Variants in MAP3K13 observed in about 807,000 individuals in gnomAD.
MAP3K13 encodes mitogen-activated protein kinase kinase kinase 13, also known as leucine zipper-bearing kinase.
MAP3K13 carries 52 observed loss-of-function variants against 104.0 expected under a neutral mutation model. The observed-to-expected ratio is 0.50, with a 90% CI of 0.40 to 0.63. The LOEUF (loss-of-function observed/expected upper bound fraction) is 0.63, where lower values mean the gene tolerates loss of function less well. Among genes scored for constraint, MAP3K13 ranks in the 20% least tolerant of loss-of-function variants. The pLI is 0.00. For synonymous variants in MAP3K13, 394 were observed against 442.2 expected, an observed-to-expected ratio of 0.89 and a Z score of 1.37; for missense variants, 914 against 1,218.5, an observed-to-expected ratio of 0.75 and a Z score of 3.72.
intron 1 of MAP3K13, among the ~76,000 whole-genome samples, chr3:185,383,086 C>T (rs1371955750): frequency 2.1e-5 from 3 of 140,330 alleles, no homozygotes; most frequent in Non-Finnish European, 4.6e-5. Context: ...TGTTCAATTC[C>T]CACCTATGAG....
In MAP3K13 at chr3:185,365,385, C is replaced by A. The variant is rs149681018; in HGVS notation, c.-86+2017C>A. ...ATTTAGTAAACAAAGTCAGTCAAACCAGAGCCATGTCCTGGGGAACTGTCA... is the reference window on the plus strand; with the variant it reads ...ATTTAGTAAACAAAGTCAGTCAAACAAGAGCCATGTCCTGGGGAACTGTCA... On this transcript the variant is annotated intron_variant, in intron 1 of 13. Transcript: ENST00000265026. Among the ~76,000 whole-genome samples the A allele has an allele frequency of 3.2e-3, 490 of 152,256 alleles. 3 individuals are homozygous for A. The highest frequency in any genetic ancestry group is 0.011 in the African/African-American group (471 of 41,552).
intron 2 of MAP3K13, among the ~76,000 whole-genome samples, chr3:185,347,370 A>G (rs1369412196): frequency 6.6e-6 from 1 of 152,190 alleles, no homozygotes; most frequent in African/African-American, 2.4e-5. Context: ...AAGCCATTTA[A>G]TACTGTTCTG....
intron 2 of MAP3K13, among the ~76,000 whole-genome samples, chr3:185,335,456 T>G (rs1410580969): frequency 2.0e-5 from 3 of 152,160 alleles, no homozygotes; most frequent in African/African-American, 7.2e-5. Context: ...GCAGTTACTC[T>G]AGGCTAATGT....
At chr3:185,451,428 A>G in intron 7 of MAP3K13, 33 bp downstream of exon 7, 1 of 1,405,960 alleles carries the variant, frequency 7.1e-7, no homozygotes, top group East Asian at 2.3e-5. Context: ...AGGTGCTACT[A>G]AACAGATAGA....
In MAP3K13 at chr3:185,375,621, G is replaced by A. The variant is rs565113783; in HGVS notation, c.-86+12253G>A. Among the ~76,000 whole-genome samples the A allele has an allele frequency of 1.6e-4, 24 of 152,272 alleles. No homozygotes were observed. The South Asian group carries it at 3.9e-3, about 25-fold the overall frequency. ...GCGAGGGAGTAGGTGGGAGTGGCCC[G>A]ATGAGAAGGAGAAAAACTGCCGTGA... On this transcript the variant is annotated intron_variant, in intron 1 of 13. Transcript: ENST00000265026.
At chr3:185,455,856 G>C (rs138713135) in intron 7 of MAP3K13, among the ~76,000 whole-genome samples, 1 of 117,546 alleles carries the variant, frequency 8.5e-6, no homozygotes, top group African/African-American at 3.5e-5. Flanking sequence ...ATATATATGA[G>C]ATATATATGA....
Position 185,429,074 on chromosome 3 carries a change from C to A in MAP3K13, c.475+18C>A. 1 of 1,603,156 alleles carries A rather than the reference C, an allele frequency of 6.2e-7. No individual in the cohort carries two copies. The highest frequency in any genetic ancestry group is 8.5e-7 in the Non-Finnish European group (1 of 1,172,698). On this transcript the variant is annotated intron_variant, in intron 2 of 13. Transcript: ENST00000265026. ...GCAGCAAGGTAAGCTAGAATATGGACTTGGAAGATATTTCTTGTGTAAACA... is the reference window on the plus strand; with the variant it reads ...GCAGCAAGGTAAGCTAGAATATGGAATTGGAAGATATTTCTTGTGTAAACA...
Position 185,418,380 on chromosome 3 carries a change from T to G in MAP3K13, c.-85-10117T>G. 6.2e-7 allele frequency: 1 copy of G among 1,603,638 alleles called. No individual in the cohort carries two copies. Among genetic ancestry groups the G allele is most frequent in the Non-Finnish European group, 8.5e-7 (1 of 1,172,246 alleles). The stretch of plus-strand genomic sequence containing the variant: ...GACCTTTAGACATGACCAGTGCTGG[T>G]AGGGCTGAGGCAGCCAGGGCAGAAC... On this transcript the variant is annotated intron_variant, in intron 1 of 13. Coordinates refer to ENST00000265026, the MANE Select transcript of MAP3K13 (RefSeq NM_004721.5). The surrounding 1 kb of genome is among the most constrained non-coding windows in gnomAD (Gnocchi z 4.5).
intron 1 of MAP3K13, among the ~76,000 whole-genome samples, chr3:185,396,716 C>T (rs77552678): frequency 3.0e-3 from 460 of 152,304 alleles, no homozygotes; most frequent in African/African-American, 0.011. Flanking sequence ...CTGTAGGGAG[C>T]ATCTAGTTGT....
chr3:185,307,113 T>C (rs892094012), intron 2 of MAP3K13, among the ~76,000 whole-genome samples: 3 of 152,192 alleles, frequency 2.0e-5, no homozygotes, highest in Non-Finnish European at 4.4e-5. Context: ...CTTTCAAGAT[T>C]CTTTGTGTCT....
chr3:185,296,503 C>T (rs1053765323), intron 2 of MAP3K13, among the ~76,000 whole-genome samples: 7 of 152,190 alleles, frequency 4.6e-5, no homozygotes, highest in African/African-American at 1.7e-4. Context: ...TTTAATCTCT[C>T]ATCTTCTTTA....
intron 7 of MAP3K13, among the ~76,000 whole-genome samples, chr3:185,463,082 C>A (rs541668891): frequency 1.3e-4 from 20 of 152,252 alleles, no homozygotes; most frequent in Non-Finnish European, 2.5e-4. Context: ...GTCTTCTACT[C>A]TAGGTATTTT....
intron 1 of MAP3K13, among the ~76,000 whole-genome samples, chr3:185,411,781 C>CTTTTT (rs67723912): frequency 3.2e-5 from 3 of 94,058 alleles, no homozygotes; most frequent in Non-Finnish European, 6.5e-5. Context: ...GCAGTTATGT[C>CTTTTT]TTTTTTTTTT....
intron 2 of MAP3K13, chr3:185,329,394 A>C: frequency 3.7e-6 from 2 of 542,784 alleles, no homozygotes; most frequent in Non-Finnish European, 3.3e-6. Flanking sequence ...CAGATCATTA[A>C]ATTGGAGGTT....
intron 2 of MAP3K13, among the ~76,000 whole-genome samples, chr3:185,352,527 G>A (rs1358652329): frequency 2.0e-5 from 3 of 152,154 alleles, no homozygotes; most frequent in South Asian, 2.1e-4. Flanking sequence ...TTGGATATTC[G>A]AGGACAATCT....
rs574844274 is a variant in MAP3K13, at chr3:185,486,899, T to C, written c.*4443T>C. 6.6e-6 allele frequency: 1 copy of C among 152,336 alleles called. No homozygotes were observed. The highest frequency in any genetic ancestry group is 1.5e-5 in the Non-Finnish European group (1 of 68,028). 9.4% of individuals were successfully genotyped at this position (152,336 alleles called of 1,614,324 possible). A position where few individuals can be genotyped will look rare whatever the true frequency, so the allele number is the denominator to read the frequency against. The stretch of plus-strand genomic sequence containing the variant: ...CTTAAGTTTAGACCTGTTTGCAAGA[T>C]GGTGGGGAGCTCCTACTGAGAAAGA... On this transcript the variant is annotated 3_prime_UTR_variant, in exon 14 of 14. Coordinates refer to ENST00000265026, the MANE Select transcript of MAP3K13 (RefSeq NM_004721.5).
chr3:185,338,153 AC>A (rs1722580071), intron 2 of MAP3K13, among the ~76,000 whole-genome samples: 1 of 151,904 alleles, frequency 6.6e-6, no homozygotes, highest in Non-Finnish European at 1.5e-5. Context: ...ACATGGTGAA[AC>A]CCCGTCTCTA....
rs1423327458 is a variant in MAP3K13 at position 185,329,235 on chromosome 3, A to G, written c.-86+43592A>G. ...TCTTATGTTGAGTGCAAGTGTTTAC[A>G]GTTAGAAAATAAAAGTGAGTATGTA... On this transcript the variant is annotated intron_variant, in intron 2 of 14. Coordinates refer to the MAP3K13 transcript ENST00000424227. The G allele has an allele frequency of 1.3e-5, 9 of 703,172 alleles. No homozygotes were observed. In the East Asian group the frequency reaches 2.4e-4, roughly 19 times the overall value. The allele number at this position is 703,172 out of a possible 1,614,324, so 43.6% of individuals were successfully genotyped here. A position where few individuals can be genotyped will look rare whatever the true frequency, so the allele number is the denominator to read the frequency against.
At position 185,486,714 on chromosome 3, in the gene MAP3K13, A is replaced by G. The variant is rs573059983; in HGVS notation, c.*4258A>G. 6.6e-6 allele frequency: 1 copy of G among 152,328 alleles called. No individual in the cohort carries two copies. Among genetic ancestry groups the G allele is most frequent in the Non-Finnish European group, 1.5e-5 (1 of 68,034 alleles). 9.4% of individuals were successfully genotyped at this position (152,328 alleles called of 1,614,324 possible). On this transcript the variant is annotated 3_prime_UTR_variant, in exon 14 of 14. Coordinates refer to ENST00000265026, the MANE Select transcript of MAP3K13 (RefSeq NM_004721.5). ...TTAGCGTCTGTTTTTAACTGACTGCAAGATGATGAGTTTTAATTTGGGTTG... is the reference window on the plus strand; with the variant it reads ...TTAGCGTCTGTTTTTAACTGACTGCGAGATGATGAGTTTTAATTTGGGTTG...
Sources: gnomAD v4.1 joint callset for allele counts (sites outside exome capture counted in the v4.1 genomes callset) on GRCh38, gnomAD v4.1.1 for gene constraint, Gnocchi (gnomAD v3.1) non-coding constraint, MANE v1.5 for transcripts, NCBI Gene and HGNC (gene_info 2026-07-23, HGNC 2026-07-21) for gene names.